The following SLC30A4 variants were observed in gnomAD, a reference collection of about 807,000 sequenced individuals.
The protein encoded by SLC30A4 is solute carrier family 30 member 4.
Under a neutral mutation model 41.7 loss-of-function variants are expected in SLC30A4, and 20 were observed. The observed-to-expected ratio is 0.48, with a 90% CI of 0.34 to 0.70. The LOEUF (loss-of-function observed/expected upper bound fraction) is 0.70, where lower values mean the gene tolerates loss of function less well. Among genes scored for constraint, SLC30A4 ranks in the 30% least tolerant of loss-of-function variants. The pLI is 0.01. For missense variants in SLC30A4, 441 were observed against 529.3 expected (o/e 0.83, Z 1.64); for synonymous variants, 181 against 195.9 (o/e 0.92, Z 0.64).
intron 2 of SLC30A4, among the ~76,000 whole-genome samples, chr15:45,518,023 A>T (rs1892544071): frequency 6.6e-6 from 1 of 152,156 alleles, no homozygotes; most frequent in Non-Finnish European, 1.5e-5. Context: ...AACTACACTC[A>T]TCTAACATGG....
intron 1 of SLC30A4, 30 bp from the exon 2 acceptor site, chr15:45,522,498 A>C: frequency 1.2e-6 from 1 of 844,022 alleles, no homozygotes. Context: ...TTATAAATTA[A>C]AGGCGCCCAA....
intron 5 of SLC30A4, among the ~76,000 whole-genome samples, chr15:45,487,963 G>A (rs1043694442): frequency 7.5e-4 from 3 of 3,974 alleles, no homozygotes; most frequent in African/African-American, 6.4e-3. Context: ...GGAAAAAAGT[G>A]TGTGTGTGTG....
intron 3 of SLC30A4, among the ~76,000 whole-genome samples, chr15:45,497,933 A>G (rs1182458104): frequency 6.6e-6 from 1 of 152,156 alleles, no homozygotes; most frequent in African/African-American, 2.4e-5. Flanking sequence ...CACTATAACA[A>G]TATTTGCTTC....
In SLC30A4 at chr15:45,485,317, A is replaced by G. The variant is rs1303271208; in HGVS notation, c.1136T>C (p.Ile379Thr). ...KSTAIVHIQL[I>T]PGSSSKWEEV... ...CTCCCATTTAGATGAACTTCCAGGA[A>G]CTGCAATGTCAAGAAAATATCATTA... Residue 379 changes from isoleucine (I) to threonine (T), a missense_variant and splice_region_variant, in exon 8 of 8, where the codon ATT (isoleucine) becomes ACT (threonine). Coordinates refer to ENST00000261867, the MANE Select transcript of SLC30A4 (RefSeq NM_013309.6). The G allele has an allele frequency of 1.9e-6, 3 of 1,602,424 alleles. No individual in the cohort carries two copies. Among genetic ancestry groups the G allele is most frequent in the Non-Finnish European group, 2.6e-6 (3 of 1,173,302 alleles).
chr15:45,520,926 T>C (rs1237519094), intron 2 of SLC30A4: 1 of 410,920 alleles, frequency 2.4e-6, no homozygotes, highest in South Asian at 1.9e-5. Flanking sequence ...ACCAGCCACT[T>C]TGAACGCCTT....
intron 7 of SLC30A4, 103 bp from the exon 8 acceptor site, chr15:45,485,420 T>A: frequency 2.6e-6 from 2 of 756,470 alleles, no homozygotes; most frequent in Admixed American, 6.4e-5. Context: ...ATATTTTTAT[T>A]AGTCTGATTT....
At chr15:45,488,574 A>AAAATAAAT (rs139550846) in intron 5 of SLC30A4, among the ~76,000 whole-genome samples, 34 of 151,864 alleles carry the variant, frequency 2.2e-4, no homozygotes, top group African/African-American at 8.2e-4. Context: ...CTCTGTCTCA[A>AAAATAAAT]AAATAAATAA....
chr15:45,491,558 C>T (rs1891810631), intron 3 of SLC30A4, among the ~76,000 whole-genome samples: 1 of 152,228 alleles, frequency 6.6e-6, no homozygotes, highest in Non-Finnish European at 1.5e-5. Context: ...GAGACTCCGT[C>T]TCTCTTGGTT....
intron 2 of SLC30A4, among the ~76,000 whole-genome samples, chr15:45,516,170 A>C (rs1892467857): frequency 6.6e-6 from 1 of 152,158 alleles, no homozygotes; most frequent in African/African-American, 2.4e-5. Flanking sequence ...ACTGGCTTTT[A>C]AATAGGTTTA....
chr15:45,488,117 G>T (rs979384673), intron 5 of SLC30A4, among the ~76,000 whole-genome samples: 36 of 152,006 alleles, frequency 2.4e-4, no homozygotes, highest in East Asian at 1.9e-4. Flanking sequence ...ACTAGTTTAA[G>T]CCCCTTGTAA....
In SLC30A4 at chr15:45,482,738, TTCAAG is replaced by T. The variant is rs1891621891; in HGVS notation, c.*2420_*2424del. ...ATATGCTCCTGAAATTTCTGAGAAA[TTCAAG>T]TCATTATTTTAAATGACTTCACAAT... On this transcript the variant is annotated 3_prime_UTR_variant, in exon 8 of 8. Coordinates refer to ENST00000261867, the MANE Select transcript of SLC30A4 (RefSeq NM_013309.6). The T allele has an allele frequency of 6.6e-6, 1 of 152,194 alleles. No homozygotes were observed. Among genetic ancestry groups the T allele is most frequent in the African/African-American group, 2.4e-5 (1 of 41,452 alleles). The allele number at this position is 152,194 out of a possible 1,614,324, so 9.4% of individuals were successfully genotyped here.
At chr15:45,492,225 A>C (rs1473993564) in intron 3 of SLC30A4, among the ~76,000 whole-genome samples, 2 of 151,902 alleles carry the variant, frequency 1.3e-5, no homozygotes, top group Non-Finnish European at 2.9e-5. Context: ...AAAAAAAAAA[A>C]AAAAAACTCT....
rs1216860756 is a variant in SLC30A4 at position 45,482,144 on chromosome 15, A to G, written c.*3019T>C. The G allele has an allele frequency of 1.3e-5, 2 of 150,142 alleles. No homozygotes were observed. Among genetic ancestry groups the G allele is most frequent in the Non-Finnish European group, 2.9e-5 (2 of 67,946 alleles). 9.3% of individuals were successfully genotyped at this position (150,142 alleles called of 1,614,324 possible). A position where few individuals can be genotyped will look rare whatever the true frequency, so the allele number is the denominator to read the frequency against. ...ACAAAAGGATTCTTTTTGGCTGGGCACAGTGGTTCATGCCCATAAGCCCAG... is the reference window on the plus strand; with the variant it reads ...ACAAAAGGATTCTTTTTGGCTGGGCGCAGTGGTTCATGCCCATAAGCCCAG... On this transcript the variant is annotated 3_prime_UTR_variant, in exon 8 of 8. Coordinates refer to ENST00000261867, the MANE Select transcript of SLC30A4 (RefSeq NM_013309.6).
intron 3 of SLC30A4, among the ~76,000 whole-genome samples, chr15:45,492,074 T>C (rs561789068): frequency 2.0e-5 from 3 of 152,114 alleles, no homozygotes; most frequent in Non-Finnish European, 4.4e-5. Context: ...GAGAGCCAAT[T>C]GGTAAAACTA....
At chr15:45,519,077 C>T (rs1205054877) in intron 2 of SLC30A4, among the ~76,000 whole-genome samples, 1 of 151,546 alleles carries the variant, frequency 6.6e-6, no homozygotes, top group East Asian at 1.9e-4. Flanking sequence ...GATGGGGTTT[C>T]ACCATGTTGG....
chr15:45,497,500 C>T (rs766881697), intron 3 of SLC30A4, among the ~76,000 whole-genome samples: 4 of 152,100 alleles, frequency 2.6e-5, no homozygotes, highest in Admixed American at 6.6e-5. Flanking sequence ...TACAAGATCA[C>T]GGGTCTTTTC....
At chr15:45,499,505 G>A (rs1891976173) in intron 3 of SLC30A4, among the ~76,000 whole-genome samples, 1 of 151,894 alleles carries the variant, frequency 6.6e-6, no homozygotes. Context: ...CCCACCGTCT[G>A]GAAAAAAAAC....
intron 3 of SLC30A4, among the ~76,000 whole-genome samples, chr15:45,496,847 A>C (rs1018688368): frequency 6.8e-6 from 1 of 147,450 alleles, no homozygotes; most frequent in Non-Finnish European, 1.5e-5. Context: ...ATAAATAAAT[A>C]AATAAATAAA....
intron 5 of SLC30A4, 87 bp from the exon 6 acceptor site, chr15:45,487,719 C>A: frequency 1.5e-6 from 1 of 657,184 alleles, no homozygotes; most frequent in Non-Finnish European, 2.7e-6. Context: ...TCCCTTCTTG[C>A]TTGATTTTCT....
Sources: allele counts gnomAD v4.1 joint callset (sites outside exome capture counted in the v4.1 genomes callset), GRCh38; gene constraint gnomAD v4.1.1; transcripts MANE v1.5; gene names NCBI Gene and HGNC (gene_info 2026-07-23, HGNC 2026-07-21).